KPNA5: variants seen among roughly 807,000 people sequenced by gnomAD.
KPNA5 encodes the protein karyopherin subunit alpha 5.
A neutral mutation model predicts 71.3 loss-of-function variants in KPNA5; 46 were observed. The observed-to-expected ratio is 0.65, with a 90% CI of 0.51 to 0.83. The LOEUF is 0.83. Ranked by LOEUF, KPNA5 falls within the 40% of genes least tolerant of loss-of-function variation. The pLI is 0.00. For missense variants in KPNA5, 547 were observed against 628.3 expected, an observed-to-expected ratio of 0.87 and a Z score of 1.38; for synonymous variants, 207 against 201.4, an observed-to-expected ratio of 1.03 and a Z score of -0.24.
intron 7 of KPNA5, among the ~76,000 whole-genome samples, chr6:116,707,952 A>C (rs1299107031): frequency 6.6e-6 from 1 of 152,226 alleles, no homozygotes; most frequent in Non-Finnish European, 1.5e-5. Context: ...TGGAAACTAC[A>C]AATCTGTTTT....
chr6:116,709,184 T>C (rs1223185530), intron 7 of KPNA5, among the ~76,000 whole-genome samples: 2 of 152,228 alleles, frequency 1.3e-5, no homozygotes, highest in Non-Finnish European at 2.9e-5. Flanking sequence ...GATCATGTCA[T>C]CTGTCAATAA....
At chr6:116,714,672 C>T (rs1318337534) in intron 7 of KPNA5, among the ~76,000 whole-genome samples, 1 of 152,172 alleles carries the variant, frequency 6.6e-6, no homozygotes, top group Non-Finnish European at 1.5e-5. Context: ...TCTTGTTTGC[C>T]TCAACTGTAT....
At chr6:116,693,586 TG>T (rs1777897421) in intron 4 of KPNA5, among the ~76,000 whole-genome samples, 1 of 152,246 alleles carries the variant, frequency 6.6e-6, no homozygotes, top group African/African-American at 2.4e-5. Flanking sequence ...TGGGGTTGTT[TG>T]TTTTTTTCTT....
rs1778306002 is a variant in KPNA5 at position 116,703,428 on chromosome 6, A to G, written c.567+1278A>G. On this transcript the variant is annotated intron_variant, in intron 6 of 13. Coordinates refer to ENST00000368564, the MANE Select transcript of KPNA5 (RefSeq NM_001366306.2). ...CAGGCGCCTGCCACCACGCCCGGCTAGTTTTTATATTTCTAATAGAGATGG... is the reference window on the plus strand; with the variant it reads ...CAGGCGCCTGCCACCACGCCCGGCTGGTTTTTATATTTCTAATAGAGATGG... Among the ~76,000 whole-genome samples, 3 of 152,000 alleles carry G rather than the reference A, an allele frequency of 2.0e-5. No individual in the cohort carries two copies. The South Asian group carries it at 6.2e-4, about 32-fold the overall frequency.
chr6:116,722,832 ATGT>A (rs1338552413), intron 9 of KPNA5, among the ~76,000 whole-genome samples: 2 of 152,234 alleles, frequency 1.3e-5, no homozygotes, highest in African/African-American at 2.4e-5. Context: ...TTTTAAAAAG[ATGT>A]TGTAACTTCA....
Position 116,702,010 on chromosome 6 carries a change from T to C in KPNA5, c.436-9T>C, listed in dbSNP as rs774440918. 6.3e-7 allele frequency: 1 copy of C among 1,597,776 alleles called. No individual in the cohort carries two copies. The highest frequency in any genetic ancestry group is 1.4e-5 in the African/African-American group (1 of 73,684). On this transcript the variant is annotated splice_polypyrimidine_tract_variant and intron_variant, in intron 5 of 13. Coordinates refer to ENST00000368564, the MANE Select transcript of KPNA5 (RefSeq NM_001366306.2). ...TCTTTCATTTATTTTACCTTTTTTT[T>C]CTTCTTAGTTTGAAGCTGCATGGGC... is the stretch of plus-strand genomic sequence containing the variant.
rs1779599950 is a variant in KPNA5, at chr6:116,734,518, A to G, written c.*2195A>G. 6.6e-6 allele frequency: 1 copy of G among 151,720 alleles called. No homozygotes were observed. The highest frequency in any genetic ancestry group is 2.4e-5 in the African/African-American group (1 of 41,418). The allele number at this position is 151,720 out of a possible 1,614,324, so 9.4% of individuals were successfully genotyped here. On this transcript the variant is annotated 3_prime_UTR_variant, in exon 14 of 14. Coordinates refer to ENST00000368564, the MANE Select transcript of KPNA5 (RefSeq NM_001366306.2). Reference sequence around the variant, plus strand: ...ATTTCCTTAAATATATTACTTGGGTAATTAATTTTAGATTTGATTGCAAAG... The same window carrying G: ...ATTTCCTTAAATATATTACTTGGGTGATTAATTTTAGATTTGATTGCAAAG...
Position 116,738,133 on chromosome 6 carries a change from A to G in KPNA5, c.*5810A>G, listed in dbSNP as rs1348396383. The G allele has an allele frequency of 6.6e-6, 1 of 152,142 alleles. No homozygotes were observed. Among genetic ancestry groups the G allele is most frequent in the East Asian group, 1.9e-4 (1 of 5,196 alleles). 9.4% of individuals were successfully genotyped at this position (152,142 alleles called of 1,614,324 possible). ...ACTAATAAAGAAGAAAAGAGAGAAG[A>G]ATCAAATAGACGCAATAAAAAATGA... On this transcript the variant is annotated 3_prime_UTR_variant, in exon 14 of 14. Coordinates refer to ENST00000368564, the MANE Select transcript of KPNA5 (RefSeq NM_001366306.2).
chr6:116,722,330 G>A lies in KPNA5; in HGVS notation c.920+41G>A, dbSNP rs9489027. On this transcript the variant is annotated intron_variant, in intron 9 of 13. Coordinates refer to ENST00000368564, the MANE Select transcript of KPNA5 (RefSeq NM_001366306.2). The stretch of plus-strand genomic sequence containing the variant: ...TTATGCTTAATAATTGTATGATTGA[G>A]ATTAAAATTAGCAATTCAAGTAATA... 1.7e-3 allele frequency: 2,437 copies of A among 1,459,232 alleles called. 39 individuals are homozygous for A. In the African/African-American group the frequency reaches 0.031, roughly 18 times the overall value. The allele number at this position is 1,459,232 out of a possible 1,614,324, so 90.4% of individuals were successfully genotyped here. A position where few individuals can be genotyped will look rare whatever the true frequency, so the allele number is the denominator to read the frequency against.
intron 12 of KPNA5, among the ~76,000 whole-genome samples, chr6:116,728,179 C>G (rs1349236545): frequency 6.6e-6 from 1 of 151,862 alleles, no homozygotes; most frequent in Non-Finnish European, 1.5e-5. Context: ...AATGAAGACC[C>G]TTCCTTTGTT....
intron 7 of KPNA5, among the ~76,000 whole-genome samples, chr6:116,712,030 C>T (rs572063254): frequency 6.6e-6 from 1 of 152,166 alleles, no homozygotes; most frequent in Admixed American, 6.5e-5. Context: ...TGAACCTCCG[C>T]CCCCAGGTTT....
Position 116,740,236 on chromosome 6 carries a change from T to G in KPNA5, c.*7913T>G, listed in dbSNP as rs1362607201. 1 of 151,990 alleles carries G rather than the reference T, an allele frequency of 6.6e-6. No homozygotes were observed. The highest frequency in any genetic ancestry group is 1.5e-5 in the Non-Finnish European group (1 of 68,002). 9.4% of individuals were successfully genotyped at this position (151,990 alleles called of 1,614,324 possible). ...GACATTTATGCAGCCAAAAAACACA[T>G]GAAAAAATGCTCACCATCACTGGCC... is the stretch of plus-strand genomic sequence containing the variant. On this transcript the variant is annotated 3_prime_UTR_variant, in exon 14 of 14. Coordinates refer to ENST00000368564, the MANE Select transcript of KPNA5 (RefSeq NM_001366306.2).
intron 5 of KPNA5, among the ~76,000 whole-genome samples, chr6:116,700,109 A>G (rs1778172814): frequency 6.6e-6 from 1 of 152,168 alleles, no homozygotes; most frequent in Non-Finnish European, 1.5e-5. Flanking sequence ...AGGATGAAGG[A>G]GCGTTTGGCA....
At chr6:116,682,202 G>A (rs996791462) in intron 1 of KPNA5, among the ~76,000 whole-genome samples, 2 of 152,096 alleles carry the variant, frequency 1.3e-5, no homozygotes, top group Non-Finnish European at 2.9e-5. Context: ...GGTGGTGGGC[G>A]CCTGTAGTCC....
rs960848310 is a variant in KPNA5, at chr6:116,683,414, A to G, written c.4+2076A>G. ...ATTTTATTTTACTTAAATATTTTAT[A>G]TATATTGAGCGTAATTCAACAACTA... is the stretch of plus-strand genomic sequence containing the variant. On this transcript the variant is annotated intron_variant, in intron 1 of 13. Coordinates refer to ENST00000368564, the MANE Select transcript of KPNA5 (RefSeq NM_001366306.2). Among the ~76,000 whole-genome samples the G allele has an allele frequency of 4.6e-5, 7 of 152,204 alleles. No individual in the cohort carries two copies. In the East Asian group the frequency reaches 1.3e-3, roughly 29 times the overall value.
chr6:116,734,769 A>T lies in KPNA5; in HGVS notation c.*2446A>T, dbSNP rs1368159274. Reference sequence around the variant, plus strand: ...AGAAAAAAATAAATAAAATGCTCCAAAAAGTGTTTTCAGTAGTCTTCACTG... The same window carrying T: ...AGAAAAAAATAAATAAAATGCTCCATAAAGTGTTTTCAGTAGTCTTCACTG... On this transcript the variant is annotated 3_prime_UTR_variant, in exon 14 of 14. Coordinates refer to ENST00000368564, the MANE Select transcript of KPNA5 (RefSeq NM_001366306.2). The T allele has an allele frequency of 2.0e-5, 3 of 151,446 alleles. No individual in the cohort carries two copies. The highest frequency in any genetic ancestry group is 7.2e-5 in the African/African-American group (3 of 41,386). The allele number at this position is 151,446 out of a possible 1,614,324, so 9.4% of individuals were successfully genotyped here.
intron 7 of KPNA5, among the ~76,000 whole-genome samples, chr6:116,707,646 T>C (rs1778498724): frequency 6.6e-6 from 1 of 152,224 alleles, no homozygotes; most frequent in Admixed American, 6.5e-5. Flanking sequence ...CTGAAAAAAT[T>C]GTCAACTCTT....
At position 116,729,736 on chromosome 6, in the gene KPNA5, C is replaced by T. The variant is rs1465537351; in HGVS notation, c.1427C>T (p.Ala476Val). ...CCATACTGTGCTCTCATTGAAGAAG[C>T]ATATGGTAAGCAATCAGTTAAAAAT... Reference protein sequence around the residue: ...INPYCALIEEAYGLDKIEFLQ... With the variant: ...INPYCALIEEVYGLDKIEFLQ... The change falls in exon 13 of 14, where the codon GCA becomes GTA. Residue 476 changes from alanine (A) to valine (V), a missense_variant. Ala to Val is a moderately conservative substitution (Grantham distance 64). Transcript: ENST00000368564. 6.6e-7 allele frequency: 1 copy of T among 1,507,356 alleles called. No homozygotes were observed. The highest frequency in any genetic ancestry group is 2.0e-5 in the Admixed American group (1 of 49,076). The allele number at this position is 1,507,356 out of a possible 1,614,324, so 93.4% of individuals were successfully genotyped here. A position where few individuals can be genotyped will look rare whatever the true frequency, so the allele number is the denominator to read the frequency against.
chr6:116,716,400 C>T (rs1778890443), intron 8 of KPNA5, 82 bp downstream of exon 8: 1 of 899,110 alleles, frequency 1.1e-6, no homozygotes, highest in Admixed American at 2.5e-5. Flanking sequence ...GTTTAAGGAA[C>T]TCCACTTTTT....
Sources: allele counts gnomAD v4.1 joint callset (sites outside exome capture counted in the v4.1 genomes callset), GRCh38; gene constraint gnomAD v4.1.1; transcripts MANE v1.5; gene names NCBI Gene and HGNC (gene_info 2026-07-23, HGNC 2026-07-21).